EXOC6B: variants seen among roughly 807,000 people sequenced by gnomAD.
EXOC6B encodes exocyst complex component 6B, also known as SEC15 homolog B.
Under a neutral mutation model 113.5 loss-of-function variants are expected in EXOC6B, and 54 were observed. That is an observed-to-expected ratio of 0.48 (90% CI 0.38 to 0.60). The LOEUF is 0.60. Ranked by LOEUF, EXOC6B falls within the 20% of genes least tolerant of loss-of-function variation. The probability of loss-of-function intolerance (pLI) is 0.00; values close to 1 mark genes in which losing one functional copy is unlikely to be tolerated. For synonymous variants in EXOC6B, 357 were observed against 339.0 expected (o/e 1.05, Z -0.58); for missense variants, 797 against 977.5 (o/e 0.82, Z 2.46).
At chr2:72,453,560 TTAACA>T (rs1452657241) in intron 18 of EXOC6B, among the ~76,000 whole-genome samples, 1 of 152,182 alleles carries the variant, frequency 6.6e-6, no homozygotes, top group East Asian at 1.9e-4. Flanking sequence ...TTTCTTTCAT[TTAACA>T]TAAGTGCTTT....
intron 6 of EXOC6B, among the ~76,000 whole-genome samples, chr2:72,616,208 G>T (rs1671377193): frequency 6.6e-6 from 1 of 151,954 alleles, no homozygotes; most frequent in African/African-American, 2.4e-5. Flanking sequence ...TACCCAAAGT[G>T]ACCTAGAGAT....
chr2:72,781,908 G>A (rs1281854970), intron 1 of EXOC6B, among the ~76,000 whole-genome samples: 8 of 152,100 alleles, frequency 5.3e-5, no homozygotes, highest in Admixed American at 5.2e-4. Context: ...GGAGGCCGAG[G>A]TGGGAGGATC....
intron 20 of EXOC6B, among the ~76,000 whole-genome samples, chr2:72,204,734 T>A (rs1679726919): frequency 6.6e-6 from 1 of 152,082 alleles, no homozygotes; most frequent in African/African-American, 2.4e-5. Flanking sequence ...TGGCCATAAA[T>A]TTACAGAAGT....
Position 72,228,315 on chromosome 2 carries a change from G to A in EXOC6B, c.2197-44128C>T, listed in dbSNP as rs527933749. ...AAGTTTTAGGGTACATGTGCACAAC[G>A]TGCAGGTTTGTTACATATGTATACA... On this transcript the variant is annotated intron_variant, in intron 20 of 21. Transcript: ENST00000272427. Among the ~76,000 whole-genome samples the A allele has an allele frequency of 2.2e-4, 34 of 152,018 alleles. No homozygotes were observed. In the East Asian group the frequency reaches 6.0e-3, roughly 27 times the overall value.
intron 1 of EXOC6B, among the ~76,000 whole-genome samples, chr2:72,789,022 C>T (rs1684529770): frequency 6.6e-6 from 1 of 152,212 alleles, no homozygotes; most frequent in Non-Finnish European, 1.5e-5. Flanking sequence ...CTAGCTCACT[C>T]TGGGTGTGGT....
intron 6 of EXOC6B, among the ~76,000 whole-genome samples, chr2:72,702,037 T>C (rs1289800861): frequency 2.0e-5 from 3 of 151,626 alleles, no homozygotes; most frequent in East Asian, 1.9e-4. Context: ...CGTCATCTAG[T>C]ATTAGGTATA....
intron 3 of EXOC6B, among the ~76,000 whole-genome samples, chr2:72,732,333 T>TG (rs1226007396): frequency 1.1e-4 from 17 of 151,992 alleles, no homozygotes; most frequent in Admixed American, 1.1e-3. Flanking sequence ...TTTTTTGTTT[T>TG]GGGGGGCAGG....
chr2:72,569,358 C>T (rs374643823), intron 7 of EXOC6B, among the ~76,000 whole-genome samples: 14 of 152,046 alleles, frequency 9.2e-5, no homozygotes, highest in African/African-American at 2.7e-4. Context: ...ATCAGTGTGG[C>T]CCCGTCAGTC....
intron 1 of EXOC6B, among the ~76,000 whole-genome samples, chr2:72,777,739 A>G (rs906556787): frequency 8.5e-5 from 13 of 152,138 alleles, no homozygotes; most frequent in African/African-American, 2.9e-4. Context: ...AAAGACTGCA[A>G]AAAACAATAC....
intron 19 of EXOC6B, among the ~76,000 whole-genome samples, chr2:72,358,233 C>A (rs893182156): frequency 3.9e-5 from 6 of 152,088 alleles, no homozygotes; most frequent in Non-Finnish European, 8.8e-5. Flanking sequence ...ATACTTATAA[C>A]AACTCTCCAC....
intron 5 of EXOC6B, among the ~76,000 whole-genome samples, chr2:72,718,906 C>G (rs1309038094): frequency 2.6e-5 from 4 of 152,054 alleles, no homozygotes; most frequent in Non-Finnish European, 4.4e-5. Context: ...AAAAATTCAT[C>G]CTATAAAATG....
chr2:72,699,722 A>G (rs1446510487), intron 6 of EXOC6B, among the ~76,000 whole-genome samples: 1 of 152,222 alleles, frequency 6.6e-6, no homozygotes, highest in Admixed American at 6.5e-5. Flanking sequence ...ACAATGTTAT[A>G]GTACTGAAAA....
chr2:72,695,123 A>G (rs969737307), intron 6 of EXOC6B, among the ~76,000 whole-genome samples: 3 of 152,224 alleles, frequency 2.0e-5, no homozygotes, highest in Non-Finnish European at 4.4e-5. Flanking sequence ...AGACGGCTGG[A>G]TGCTTTGGGG....
At chr2:72,426,475 T>G (rs889566950) in intron 18 of EXOC6B, among the ~76,000 whole-genome samples, 1 of 152,214 alleles carries the variant, frequency 6.6e-6, no homozygotes, top group Non-Finnish European at 1.5e-5. Flanking sequence ...CATATACAGG[T>G]CTGAAGTTGA....
At chr2:72,215,853 C>T (rs1488546149) in intron 20 of EXOC6B, among the ~76,000 whole-genome samples, 1 of 152,078 alleles carries the variant, frequency 6.6e-6, no homozygotes, top group Admixed American at 6.5e-5. Context: ...AGGAAAAAAG[C>T]TTAGCCTTAG....
intron 6 of EXOC6B, among the ~76,000 whole-genome samples, chr2:72,714,169 G>T (rs1462561071): frequency 6.6e-6 from 1 of 152,216 alleles, no homozygotes; most frequent in African/African-American, 2.4e-5. Flanking sequence ...GAGTTTGTCT[G>T]TTATAGCAGG....
chr2:72,295,726 G>A (rs1344871589), intron 20 of EXOC6B, among the ~76,000 whole-genome samples: 1 of 152,118 alleles, frequency 6.6e-6, no homozygotes, highest in Non-Finnish European at 1.5e-5. Flanking sequence ...GCAGAGAAAA[G>A]GTGACTCTGC....
chr2:72,571,634 G>C (rs944448922), intron 7 of EXOC6B, among the ~76,000 whole-genome samples: 1 of 152,074 alleles, frequency 6.6e-6, no homozygotes, highest in Admixed American at 6.6e-5. Context: ...ATAAGCTGAG[G>C]GTGGGGAAGA....
At chr2:72,681,727 T>C (rs1365388669) in intron 6 of EXOC6B, among the ~76,000 whole-genome samples, 1 of 151,642 alleles carries the variant, frequency 6.6e-6, no homozygotes, top group African/African-American at 2.4e-5. Context: ...AAAAAAAAAC[T>C]AGCTCTATGA....
Sources: gnomAD v4.1 joint callset for allele counts (sites outside exome capture counted in the v4.1 genomes callset) on GRCh38, gnomAD v4.1.1 for gene constraint, MANE v1.5 for transcripts, NCBI Gene and HGNC (gene_info 2026-07-23, HGNC 2026-07-21) for gene names.